The following MPV17L variants were observed in gnomAD, a reference collection of about 807,000 sequenced individuals.
MPV17L encodes MPV17 mitochondrial inner membrane protein like, also known as mpv17-like protein.
In MPV17L, 24 loss-of-function variants were observed where a neutral mutation model predicts 25.8. That is an observed-to-expected ratio of 0.93 (90% CI 0.67 to 1.31). MPV17L has a LOEUF of 1.31. Ranked by LOEUF, MPV17L falls within the 50% of genes most tolerant of loss-of-function variation. The pLI is 0.00. For missense variants in MPV17L, 250 were observed against 265.6 expected (o/e 0.94, Z 0.41); for synonymous variants, 102 against 115.3 (o/e 0.88, Z 0.74).
In MPV17L at chr16:15,397,105, G is replaced by A. The variant is rs138708040; in HGVS notation, c.310+898G>A. The stretch of plus-strand genomic sequence containing the variant: ...AGTTTTACTTGGCACAAGAAAGGAA[G>A]ACACTGGGCGTATTCTCCCAAGTAG... On this transcript the variant is annotated intron_variant, in intron 1 of 3. Coordinates refer to ENST00000396385, the MANE Select transcript of MPV17L (RefSeq NM_001128423.2). Among the ~76,000 whole-genome samples the A allele has an allele frequency of 4.6e-5, 7 of 152,268 alleles. No homozygotes were observed. The East Asian group carries it at 1.4e-3, about 29-fold the overall frequency.
Position 15,399,120 on chromosome 16 carries a change from G to T in MPV17L, c.311-1667G>T, listed in dbSNP as rs189673566. Among the ~76,000 whole-genome samples the T allele has an allele frequency of 4.3e-4, 60 of 138,168 alleles. No individual in the cohort carries two copies. In the South Asian group the frequency reaches 0.014, roughly 32 times the overall value. The allele number at this position is 138,168 out of a possible 152,430, so 90.6% of individuals were successfully genotyped here. ...CTCTGTCCGCTATTAACCTCTCTAA[G>T]CTCTTTTCCTCCTTTGTAACTCTAC... is the stretch of plus-strand genomic sequence containing the variant. On this transcript the variant is annotated intron_variant, in intron 1 of 3. Transcript: ENST00000396385.
chr16:15,407,723 CAG>C, intron 2 of MPV17L, 99 bp from the exon 3 acceptor site: 1 of 1,154,426 alleles, frequency 8.7e-7, no homozygotes, highest in Non-Finnish European at 1.2e-6. Flanking sequence ...GTCTGGGCAA[CAG>C]AGTGAGACCC....
intron 1 of MPV17L, among the ~76,000 whole-genome samples, chr16:15,396,541 G>A (rs536594803): frequency 6.6e-6 from 1 of 152,150 alleles, no homozygotes; most frequent in East Asian, 1.9e-4. Context: ...GGTAGGCAGG[G>A]CTGCGGAGGT....
In MPV17L at chr16:15,408,614, T is replaced by TC. The variant is rs2050703869; in HGVS notation, c.*502_*503insC. On this transcript the variant is annotated 3_prime_UTR_variant, in exon 4 of 4. Transcript: ENST00000396385. Reference sequence around the variant, plus strand: ...TTTAGTAAATACCTTTTTTTTTTTTTTTTTTTTTGTGGTGGAGTCTTGCTG... The same window carrying TC: ...TTTAGTAAATACCTTTTTTTTTTTTTCTTTTTTTTGTGGTGGAGTCTTGCTG... 6.8e-6 allele frequency: 1 copy of TC among 146,150 alleles called. No homozygotes were observed. The highest frequency in any genetic ancestry group is 6.9e-5 in the Admixed American group (1 of 14,410). 9.1% of individuals were successfully genotyped at this position (146,150 alleles called of 1,614,324 possible). A position where few individuals can be genotyped will look rare whatever the true frequency, so the allele number is the denominator to read the frequency against.
intron 1 of MPV17L, among the ~76,000 whole-genome samples, chr16:15,397,764 T>G (rs1435095488): frequency 2.0e-5 from 3 of 152,092 alleles, no homozygotes; most frequent in Admixed American, 1.3e-4. Context: ...TTCACTTCCT[T>G]TCCCTACAGA....
At position 15,407,921 on chromosome 16, in the gene MPV17L, T is replaced by C. The variant is rs765171806; in HGVS notation, c.412-12T>C. 3 of 1,613,556 alleles carry C rather than the reference T, an allele frequency of 1.9e-6. No homozygotes were observed. In the African/African-American group the frequency reaches 4.0e-5, roughly 22 times the overall value. On this transcript the variant is annotated splice_polypyrimidine_tract_variant and intron_variant, in intron 3 of 3. Coordinates refer to ENST00000396385, the MANE Select transcript of MPV17L (RefSeq NM_001128423.2). ...TTCCATGTGGCCCTAACGGACTCTC[T>C]CTCTGTTCCAGCTGACCAACTTCAG...
In MPV17L at chr16:15,405,542, G is replaced by A. The variant is rs145950061; in HGVS notation, c.382-2282G>A. Among the ~76,000 whole-genome samples the A allele has an allele frequency of 1.9e-3, 292 of 149,988 alleles. 2 individuals carry two copies. The East Asian group carries it at 0.031, about 16-fold the overall frequency. On this transcript the variant is annotated intron_variant, in intron 2 of 3. Coordinates refer to ENST00000396385, the MANE Select transcript of MPV17L (RefSeq NM_001128423.2). ...CAGCTCACTGCAACCTCTGCCTCCCGAATTCAAGCGACTCTCCTGCCTCAG... is the reference window on the plus strand; with the variant it reads ...CAGCTCACTGCAACCTCTGCCTCCCAAATTCAAGCGACTCTCCTGCCTCAG...
rs1327459489 is a variant in MPV17L at position 15,412,521 on chromosome 16, A to C, written c.*4409A>C. The C allele has an allele frequency of 1.3e-5, 2 of 151,698 alleles. No individual in the cohort carries two copies. The highest frequency in any genetic ancestry group is 4.8e-5 in the African/African-American group (2 of 41,326). 9.4% of individuals were successfully genotyped at this position (151,698 alleles called of 1,614,324 possible). On this transcript the variant is annotated 3_prime_UTR_variant, in exon 4 of 4. Transcript: ENST00000396385. ...CTTCACATCAACTATGTTCACTACAATTGACCAAGTTAAGTGTAGACAGTC... is the reference window on the plus strand; with the variant it reads ...CTTCACATCAACTATGTTCACTACACTTGACCAAGTTAAGTGTAGACAGTC...
chr16:15,401,111 T>TTTTA (rs1390823386), intron 2 of MPV17L, among the ~76,000 whole-genome samples: 1 of 125,102 alleles, frequency 8.0e-6, no homozygotes, highest in African/African-American at 3.1e-5. Context: ...TTTTTTTTTT[T>TTTTA]AATTAAAAAA....
chr16:15,401,070 ATATATATATATATATATT>A, intron 2 of MPV17L, among the ~76,000 whole-genome samples: 1 of 26,438 alleles, frequency 3.8e-5, no homozygotes, highest in Non-Finnish European at 1.1e-4. Context: ...ATATATATAT[ATATATATATATATATATT>A]TTTTTTTTTT....
Position 15,395,848 on chromosome 16 carries a change from G to T in MPV17L, c.-50G>T. 4 of 1,367,190 alleles carry T rather than the reference G, an allele frequency of 2.9e-6. No homozygotes were observed. Among genetic ancestry groups the T allele is most frequent in the Non-Finnish European group, 3.7e-6 (4 of 1,068,992 alleles). The allele number at this position is 1,367,190 out of a possible 1,614,324, so 84.7% of individuals were successfully genotyped here. A position where few individuals can be genotyped will look rare whatever the true frequency, so the allele number is the denominator to read the frequency against. The stretch of plus-strand genomic sequence containing the variant: ...CTGGGGAGGCCCGGACCCGGTGCAG[G>T]AAGACGCCGACCACGCGGGCTCCTG... On this transcript the variant is annotated 5_prime_UTR_variant, in exon 1 of 4. Transcript: ENST00000396385.
chr16:15,402,473 G>A (rs1402490193), intron 2 of MPV17L, among the ~76,000 whole-genome samples: 2 of 152,168 alleles, frequency 1.3e-5, no homozygotes, highest in Non-Finnish European at 2.9e-5. Flanking sequence ...CCAGGCCCCT[G>A]AGCCAGCATT....
rs2050697803 is a variant in MPV17L at position 15,408,028 on chromosome 16, G to C, written c.507G>C (p.Gln169His). 1 of 1,614,002 alleles carries C rather than the reference G, an allele frequency of 6.2e-7. No individual in the cohort carries two copies. Among genetic ancestry groups the C allele is most frequent in the African/African-American group, 1.3e-5 (1 of 74,984 alleles). The change falls in exon 4 of 4, where the codon CAG (glutamine) becomes CAC (histidine). Residue 169 changes from glutamine to histidine, a missense_variant. Transcript: ENST00000396385. ...CCACCTTCATCTGTTTTTCCCAGCA[G>C]AGTGGTGACGGCACATTCAAGTCAG... ...LWATFICFSQQSGDGTFKSAF... is the reference protein window; with the variant it reads ...LWATFICFSQHSGDGTFKSAF...
intron 2 of MPV17L, among the ~76,000 whole-genome samples, chr16:15,401,241 T>A (rs1487656114): frequency 1.3e-5 from 2 of 150,962 alleles, no homozygotes; most frequent in East Asian, 3.9e-4. Context: ...GCCTCCTGAG[T>A]AGCTGAGACT....
Position 15,409,675 on chromosome 16 carries a change from T to G in MPV17L, c.*1563T>G, listed in dbSNP as rs750678129. The G allele has an allele frequency of 3.9e-5, 6 of 152,172 alleles. No individual in the cohort carries two copies. The highest frequency in any genetic ancestry group is 7.3e-5 in the Non-Finnish European group (5 of 68,044). The allele number at this position is 152,172 out of a possible 1,614,324, so 9.4% of individuals were successfully genotyped here. A position where few individuals can be genotyped will look rare whatever the true frequency, so the allele number is the denominator to read the frequency against. The stretch of plus-strand genomic sequence containing the variant: ...TGCACTCAGGTGAAATAAACAGCCA[T>G]GTTGCTCATACAAAGCCTGTTTGGT... On this transcript the variant is annotated 3_prime_UTR_variant, in exon 4 of 4. Coordinates refer to ENST00000396385, the MANE Select transcript of MPV17L (RefSeq NM_001128423.2).
intron 2 of MPV17L, among the ~76,000 whole-genome samples, chr16:15,401,651 T>C (rs992294537): frequency 6.6e-6 from 1 of 151,936 alleles, no homozygotes; most frequent in African/African-American, 2.4e-5. Context: ...GAAACCCTGT[T>C]TCTACTAAAA....
chr16:15,395,755 A>G lies in MPV17L; in HGVS notation c.-143A>G, dbSNP rs1192276519. The G allele has an allele frequency of 3.3e-5, 26 of 793,682 alleles. No homozygotes were observed. The highest frequency in any genetic ancestry group is 4.1e-5 in the Non-Finnish European group (23 of 557,754). The allele number at this position is 793,682 out of a possible 1,614,324, so 49.2% of individuals were successfully genotyped here. A position where few individuals can be genotyped will look rare whatever the true frequency, so the allele number is the denominator to read the frequency against. On this transcript the variant is annotated 5_prime_UTR_variant, in exon 1 of 4. Transcript: ENST00000396385. ...GAGCTGGGTGTGTGTGGGTCGCTCA[A>G]TCGCTCCGGAGCTTCTGGAGGGGGC...
intron 1 of MPV17L, among the ~76,000 whole-genome samples, chr16:15,399,036 GGA>G (rs1364522359): frequency 6.6e-6 from 1 of 150,472 alleles, no homozygotes; most frequent in East Asian, 1.9e-4. Context: ...GCTACCTTGG[GGA>G]ACCAGAGTCG....
intron 1 of MPV17L, among the ~76,000 whole-genome samples, chr16:15,400,254 C>T (rs187255010): frequency 5.3e-5 from 8 of 151,794 alleles, no homozygotes; most frequent in Admixed American, 4.6e-4. Context: ...AAAAAATAAT[C>T]GTTCTGCTAT....
Sources: allele counts gnomAD v4.1 joint callset (sites outside exome capture counted in the v4.1 genomes callset), GRCh38; gene constraint gnomAD v4.1.1; transcripts MANE v1.5; gene names NCBI Gene and HGNC (gene_info 2026-07-23, HGNC 2026-07-21).